Variants in RBFOX1 observed in about 807,000 individuals in gnomAD.
The protein encoded by RBFOX1 is RNA binding protein fox-1 homolog 1.
RBFOX1 carries 8 observed loss-of-function variants against 57.7 expected under a neutral mutation model. The ratio of observed to expected loss-of-function variants is 0.14; its 90% confidence interval spans 0.08 to 0.25. RBFOX1 has a LOEUF of 0.25. Ranked by LOEUF, RBFOX1 falls within the 10% of genes least tolerant of loss-of-function variation. The pLI is 1.00. For missense variants in RBFOX1, 611 were observed against 548.5 expected, an observed-to-expected ratio of 1.11 and a Z score of -1.14; for synonymous variants, 326 against 222.4, an observed-to-expected ratio of 1.47 and a Z score of -4.15.
At chr16:5,457,990 T>C (rs780044295) in intron 1 of RBFOX1, among the ~76,000 whole-genome samples, 23 of 152,224 alleles carry the variant, frequency 1.5e-4, no homozygotes, top group Admixed American at 3.9e-4. Context: ...AGAACCAACT[T>C]GAATAGCCTC....
At position 7,119,569 on chromosome 16, in the gene RBFOX1, C is replaced by G. The variant is rs566557655; in HGVS notation, c.27+67471C>G. 2.8e-4 allele frequency among the ~76,000 whole-genome samples: 43 copies of G among 151,986 alleles called. 1 individual carries two copies. In the South Asian group the frequency reaches 8.1e-3, roughly 29 times the overall value. ...ATGTTTCACTACATATCAAAGTAAA[C>G]TTCAGAGGAAAAACAACAACAAAAA... On this transcript the variant is annotated intron_variant, in intron 4 of 15. Transcript: ENST00000550418.
At chr16:6,447,255 G>C (rs1037110687) in intron 2 of RBFOX1, among the ~76,000 whole-genome samples, 1 of 152,152 alleles carries the variant, frequency 6.6e-6, no homozygotes, top group Non-Finnish European at 1.5e-5. Context: ...TGCCAGAAAG[G>C]CCTAGTTTGG....
intron 3 of RBFOX1, among the ~76,000 whole-genome samples, chr16:5,698,983 A>ATTTTT (rs3036442): frequency 9.1e-6 from 1 of 109,940 alleles, no homozygotes; most frequent in African/African-American, 3.5e-5. Flanking sequence ...ACCTGGTTGG[A>ATTTTT]TTTTTTTTTT....
At chr16:5,922,993 G>T (rs2058857183) in intron 4 of RBFOX1, among the ~76,000 whole-genome samples, 1 of 152,194 alleles carries the variant, frequency 6.6e-6, no homozygotes, top group African/African-American at 2.4e-5. Context: ...GACAGAGAAA[G>T]CCTCAGCCAG....
At chr16:5,441,481 C>T (rs1275690890) in intron 1 of RBFOX1, among the ~76,000 whole-genome samples, 1 of 151,274 alleles carries the variant, frequency 6.6e-6, no homozygotes, top group Non-Finnish European at 1.5e-5. Flanking sequence ...TCTCCTGCCT[C>T]AGCCTCCCAA....
At chr16:6,841,357 G>C (rs2141467243) in intron 3 of RBFOX1, among the ~76,000 whole-genome samples, 1 of 152,196 alleles carries the variant, frequency 6.6e-6, no homozygotes, top group South Asian at 2.1e-4. Flanking sequence ...TGTTAGACAG[G>C]AATAAAGTTG....
intron 4 of RBFOX1, among the ~76,000 whole-genome samples, chr16:7,098,059 A>G (rs530421814): frequency 6.6e-6 from 1 of 152,368 alleles, no homozygotes; most frequent in Non-Finnish European, 1.5e-5. Flanking sequence ...AGTGTTGTCA[A>G]TATGCTAACT....
At chr16:5,314,827 TG>T (rs200707584) in intron 1 of RBFOX1, among the ~76,000 whole-genome samples, 3 of 93,296 alleles carry the variant, frequency 3.2e-5, no homozygotes, top group Non-Finnish European at 7.8e-5. Context: ...CAGAAGATAT[TG>T]GAAAAAAAAA....
intron 3 of RBFOX1, among the ~76,000 whole-genome samples, chr16:6,669,427 T>A (rs2098751009): frequency 1.3e-5 from 2 of 152,208 alleles, no homozygotes; most frequent in Non-Finnish European, 2.9e-5. Context: ...CATCTTAAAC[T>A]AACAGCTATC....
At chr16:5,312,062 C>T (rs982982206) in intron 1 of RBFOX1, among the ~76,000 whole-genome samples, 3 of 152,314 alleles carry the variant, frequency 2.0e-5, no homozygotes, top group African/African-American at 2.4e-5. Context: ...GGAGGGGCTG[C>T]ATGAATGAAA....
chr16:5,558,412 G>A (rs4271592), intron 2 of RBFOX1, among the ~76,000 whole-genome samples: 61,433 of 151,752 alleles, frequency 0.4, 12,731 homozygotes, highest in East Asian at 0.5. Flanking sequence ...CCCCTTAGAG[G>A]TCTGAGCATC....
intron 4 of RBFOX1, among the ~76,000 whole-genome samples, chr16:7,392,840 TTTTGGTTTGG>T (rs567220736): frequency 1.3e-5 from 2 of 151,046 alleles, no homozygotes; most frequent in East Asian, 3.9e-4. Flanking sequence ...TTTTTTGTTG[TTTTGGTTTGG>T]TTTGGTTTGT....
intron 4 of RBFOX1, among the ~76,000 whole-genome samples, chr16:7,374,870 T>A (rs1391864019): frequency 6.6e-6 from 1 of 152,214 alleles, no homozygotes; most frequent in Non-Finnish European, 1.5e-5. Flanking sequence ...ATGCTTTTCA[T>A]TCCATCCAGA....
At chr16:5,795,140 G>A (rs2054833569) in intron 3 of RBFOX1, among the ~76,000 whole-genome samples, 2 of 152,114 alleles carry the variant, frequency 1.3e-5, no homozygotes, top group Non-Finnish European at 2.9e-5. Flanking sequence ...TAGATCAGTA[G>A]CGATGGATCT....
intron 2 of RBFOX1, among the ~76,000 whole-genome samples, chr16:6,478,425 ATATATTT>A (rs1333423171): frequency 1.3e-3 from 15 of 11,738 alleles, no homozygotes; most frequent in African/African-American, 3.6e-3. Context: ...ATATATATAT[ATATATTT>A]TTTTTTTTTT....
chr16:6,824,572 C>A (rs1419629366), intron 3 of RBFOX1, among the ~76,000 whole-genome samples: 1 of 152,090 alleles, frequency 6.6e-6, no homozygotes, highest in South Asian at 2.1e-4. Flanking sequence ...ATAATAAATA[C>A]TAATACAAGT....
At chr16:5,696,301 C>G (rs761437368) in intron 3 of RBFOX1, among the ~76,000 whole-genome samples, 1 of 152,168 alleles carries the variant, frequency 6.6e-6, no homozygotes, top group Non-Finnish European at 1.5e-5. Flanking sequence ...ATAGGCAAAA[C>G]AAGGTATCTC....
intron 4 of RBFOX1, among the ~76,000 whole-genome samples, chr16:7,325,190 G>A (rs1419823457): frequency 6.6e-6 from 1 of 152,162 alleles, no homozygotes; most frequent in Admixed American, 6.5e-5. Context: ...TGTTTGCTAT[G>A]AGCCTCTGAG....
chr16:6,426,902 T>C (rs1396171472), intron 2 of RBFOX1, among the ~76,000 whole-genome samples: 1 of 152,172 alleles, frequency 6.6e-6, no homozygotes, highest in Non-Finnish European at 1.5e-5. Flanking sequence ...CACGCTGTCA[T>C]CCCTGGAGTC....
Sources: gnomAD v4.1 joint callset for allele counts (sites outside exome capture counted in the v4.1 genomes callset) on GRCh38, gnomAD v4.1.1 for gene constraint, MANE v1.5 for transcripts, NCBI Gene and HGNC (gene_info 2026-07-23, HGNC 2026-07-21) for gene names.